Variants in TBC1D32 observed in about 807,000 individuals in gnomAD.
The protein encoded by TBC1D32 is protein broad-minded.
Under a neutral mutation model 170.3 loss-of-function variants are expected in TBC1D32, and 151 were observed. The ratio of observed to expected loss-of-function variants is 0.89; its 90% confidence interval spans 0.78 to 1.01. The LOEUF (loss-of-function observed/expected upper bound fraction) is 1.01. Ranked by LOEUF, TBC1D32 falls within the 50% of genes least tolerant of loss-of-function variation. The probability of loss-of-function intolerance (pLI) is 0.00; values close to 1 mark genes in which losing one functional copy is unlikely to be tolerated. For missense variants in TBC1D32, 1,464 were observed against 1,457.1 expected, an observed-to-expected ratio of 1.00 and a Z score of -0.08; for synonymous variants, 498 against 488.0, an observed-to-expected ratio of 1.02 and a Z score of -0.27.
At chr6:121,170,949 T>C (rs1175993815) in intron 22 of TBC1D32, among the ~76,000 whole-genome samples, 1 of 151,996 alleles carries the variant, frequency 6.6e-6, no homozygotes, top group Non-Finnish European at 1.5e-5. Flanking sequence ...TTAGATAAAA[T>C]GTCAGTGGCT....
At chr6:121,201,684 T>A (rs2128299974) in intron 22 of TBC1D32, among the ~76,000 whole-genome samples, 1 of 151,334 alleles carries the variant, frequency 6.6e-6, no homozygotes, top group South Asian at 2.1e-4. Context: ...AAATTTAAAG[T>A]GGCAACTGTA....
chr6:121,082,794 T>C (rs896662824), intron 31 of TBC1D32, among the ~76,000 whole-genome samples: 5 of 151,992 alleles, frequency 3.3e-5, no homozygotes, highest in African/African-American at 1.2e-4. Flanking sequence ...ATGGTTTCCA[T>C]TTTAAACATT....
At chr6:121,202,044 G>T (rs1482070695) in intron 22 of TBC1D32, among the ~76,000 whole-genome samples, 1 of 151,164 alleles carries the variant, frequency 6.6e-6, no homozygotes, top group Non-Finnish European at 1.5e-5. Flanking sequence ...GTTTAAGTGA[G>T]AAATGTATAA....
At chr6:121,328,368 C>T (rs1405494690) in intron 1 of TBC1D32, among the ~76,000 whole-genome samples, 3 of 152,014 alleles carry the variant, frequency 2.0e-5, no homozygotes, top group African/African-American at 7.2e-5. Flanking sequence ...TCTCTGCAAG[C>T]TCCGCCTCCC....
rs143971631 is a variant in TBC1D32, at chr6:121,293,713, C to G, written c.1231+857G>C. Among the ~76,000 whole-genome samples the G allele has an allele frequency of 1.8e-4, 27 of 152,184 alleles. No homozygotes were observed. The East Asian group carries it at 5.3e-3, about 30-fold the overall frequency. On this transcript the variant is annotated intron_variant, in intron 11 of 31. Transcript: ENST00000398212. Reference sequence around the variant, plus strand: ...GATCACAACGTCAGGAGTTCAAGAGCAGCCTGGCCAGCACAGTGAAACCCC... The same window carrying G: ...GATCACAACGTCAGGAGTTCAAGAGGAGCCTGGCCAGCACAGTGAAACCCC...
intron 10 of TBC1D32, 41 bp from the exon 11 acceptor site, chr6:121,294,701 C>T: frequency 1.4e-6 from 2 of 1,440,486 alleles, no homozygotes; most frequent in Middle Eastern, 3.9e-4. Context: ...ACTTTGCAGC[C>T]CTCAAGTCCA....
chr6:121,153,955 G>A (rs1471401183), intron 24 of TBC1D32, among the ~76,000 whole-genome samples: 6 of 149,454 alleles, frequency 4.0e-5, no homozygotes, highest in Non-Finnish European at 8.8e-5. Flanking sequence ...TGCTGGGCAA[G>A]ACCACTTGGA....
At chr6:121,114,227 T>G (rs893985135) in intron 27 of TBC1D32, among the ~76,000 whole-genome samples, 15 of 152,138 alleles carry the variant, frequency 9.9e-5, no homozygotes, top group Admixed American at 9.8e-4. Flanking sequence ...ATTTGAGGCA[T>G]GAAAAGAAAA....
At chr6:121,216,381 CT>C (rs1189625841) in intron 21 of TBC1D32, among the ~76,000 whole-genome samples, 1 of 152,112 alleles carries the variant, frequency 6.6e-6, no homozygotes, top group Non-Finnish European at 1.5e-5. Context: ...ATATACTCCC[CT>C]CTATAGGTAT....
At chr6:121,292,243 C>G in intron 11 of TBC1D32, 50 bp from the exon 12 acceptor site, 1 of 1,514,566 alleles carries the variant, frequency 6.6e-7, no homozygotes, top group South Asian at 1.3e-5. Context: ...TTATATTTTA[C>G]AGTACCTGTC....
chr6:121,270,037 A>C (rs1432792747), intron 15 of TBC1D32, among the ~76,000 whole-genome samples: 1 of 152,198 alleles, frequency 6.6e-6, no homozygotes, highest in Non-Finnish European at 1.5e-5. Flanking sequence ...AAATGAAGGC[A>C]GAAATAAAGA....
intron 29 of TBC1D32, among the ~76,000 whole-genome samples, chr6:121,108,353 G>A (rs1474115413): frequency 6.6e-6 from 1 of 151,938 alleles, no homozygotes; most frequent in East Asian, 1.9e-4. Flanking sequence ...TCTCTGAAAG[G>A]ACAGTAACTC....
intron 10 of TBC1D32, among the ~76,000 whole-genome samples, chr6:121,297,230 C>A (rs1805785564): frequency 6.6e-6 from 1 of 151,964 alleles, no homozygotes; most frequent in South Asian, 2.1e-4. Context: ...ATTTTTCTAA[C>A]CCCTGTGAAA....
chr6:121,270,842 C>A (rs1261292427), intron 15 of TBC1D32, among the ~76,000 whole-genome samples: 1 of 152,140 alleles, frequency 6.6e-6, no homozygotes, highest in Non-Finnish European at 1.5e-5. Flanking sequence ...TCCTGATGAA[C>A]ATCGATGCAA....
intron 12 of TBC1D32, among the ~76,000 whole-genome samples, chr6:121,287,825 A>G (rs1458585724): frequency 6.6e-6 from 1 of 152,174 alleles, no homozygotes; most frequent in Non-Finnish European, 1.5e-5. Flanking sequence ...GTGCAATCAA[A>G]CTAGAACTCA....
At chr6:121,303,576 C>G (rs748434291) in intron 9 of TBC1D32, 41 bp downstream of exon 9, 2 of 1,416,364 alleles carry the variant, frequency 1.4e-6, no homozygotes, top group Admixed American at 4.2e-5. Flanking sequence ...AATGATATAG[C>G]AATGCACTAA....
chr6:121,183,318 G>C (rs754226113), intron 22 of TBC1D32, among the ~76,000 whole-genome samples: 2 of 152,056 alleles, frequency 1.3e-5, no homozygotes, highest in South Asian at 2.1e-4. Context: ...GCTCTCAGAG[G>C]CTCCAAAAGT....
intron 11 of TBC1D32, 61 bp downstream of exon 11, chr6:121,294,509 C>A: frequency 3.2e-6 from 4 of 1,257,852 alleles, no homozygotes; most frequent in Non-Finnish European, 4.5e-6. Flanking sequence ...TCCTACTAAA[C>A]TGTATTTACT....
chr6:121,304,799 A>G lies in TBC1D32; in HGVS notation c.725T>C (p.Leu242Ser), dbSNP rs79040695. ...CTTGGTCATATGTAATGGAGAAAGC[A>G]AAAATGTCTGTGCACAGAATTTTAA... ...RILKFCAQTFLLSPLHMTKEI... is the reference protein window; with the variant it reads ...RILKFCAQTFSLSPLHMTKEI... The change falls in exon 6 of 32, where the codon TTG (leucine) becomes TCG (serine). Residue 242 changes from leucine to serine, a missense_variant. By Grantham distance (145) the Leu-to-Ser change is moderately radical. This residue lies in a region of TBC1D32 where 1,363 missense variants were observed against 1,338.1 expected (regional missense o/e 1.02). Coordinates refer to ENST00000398212, the MANE Select transcript of TBC1D32 (RefSeq NM_152730.6). The G allele has an allele frequency of 0.022, 35,256 of 1,609,204 alleles. 1,352 individuals are homozygous for G. Among genetic ancestry groups the G allele is most frequent in the East Asian group, 0.14 (6,298 of 44,722 alleles).
Sources: allele counts gnomAD v4.1 joint callset (sites outside exome capture counted in the v4.1 genomes callset), GRCh38; gene constraint gnomAD v4.1.1; regional missense constraint gnomAD v4.1.1; transcripts MANE v1.5; gene names NCBI Gene and HGNC (gene_info 2026-07-23, HGNC 2026-07-21).